The following GLIS3 variants were observed in gnomAD, a reference collection of about 807,000 sequenced individuals.
GLIS3 encodes the protein GLIS family zinc finger 3, also known as zinc finger protein GLIS3.
In GLIS3, 53 loss-of-function variants were observed where a neutral mutation model predicts 78.6. The ratio of observed to expected loss-of-function variants is 0.67; its 90% CI spans 0.54 to 0.85. The LOEUF is 0.85. Among genes scored for constraint, GLIS3 ranks in the 40% least tolerant of loss-of-function variants. The pLI is 0.00. For synonymous variants in GLIS3, 684 were observed against 509.9 expected, an observed-to-expected ratio of 1.34 and a Z score of -4.60; for missense variants, 1,703 against 1,231.1, an observed-to-expected ratio of 1.38 and a Z score of -5.74.
chr9:4,284,582 T>C lies in GLIS3; in HGVS notation c.388+1456A>G, dbSNP rs75188142. On this transcript the variant is annotated intron_variant, in intron 2 of 10. Transcript: ENST00000381971. ...TCTAAGAAATAAAATGACTCAAAAC[T>C]AATCTAGACCAAAAAAAAAGAAGAA... Among the ~76,000 whole-genome samples the C allele has an allele frequency of 5.5e-3, 834 of 151,140 alleles. 9 individuals carry two copies. The highest frequency in any genetic ancestry group is 0.019 in the African/African-American group (780 of 41,168).
chr9:3,983,251 G>A (rs1269174056), intron 4 of GLIS3, among the ~76,000 whole-genome samples: 1 of 152,178 alleles, frequency 6.6e-6, no homozygotes, highest in East Asian at 1.9e-4. Context: ...ATCCATGTAA[G>A]ACATGACTTG....
chr9:3,993,362 A>C (rs763399274), intron 4 of GLIS3, among the ~76,000 whole-genome samples: 3 of 152,226 alleles, frequency 2.0e-5, no homozygotes, highest in African/African-American at 4.8e-5. Context: ...CTTTAAAAGT[A>C]GCTTATTTTC....
chr9:4,187,869 T>G (rs530034030), intron 2 of GLIS3, among the ~76,000 whole-genome samples: 1 of 152,144 alleles, frequency 6.6e-6, no homozygotes, highest in African/African-American at 2.4e-5. Flanking sequence ...TTTGCTGAAG[T>G]TGCTTATCAG....
chr9:4,151,167 T>C (rs1441648450), intron 2 of GLIS3: 1 of 152,126 alleles, frequency 6.6e-6, no homozygotes, highest in Admixed American at 6.6e-5. Flanking sequence ...AGTCCACAGG[T>C]TGAATCTGAA....
At chr9:4,446,725 G>C in the GLIS3 span, among the ~76,000 whole-genome samples, 24,535 of 150,186 alleles carry the variant, frequency 0.16, 2,468 homozygotes, top group Non-Finnish European at 0.22. Flanking sequence ...AAGTTGGCCA[G>C]ACTGGTCTCA....
At chr9:4,167,686 T>C (rs1012124185) in intron 2 of GLIS3, among the ~76,000 whole-genome samples, 55 of 152,344 alleles carry the variant, frequency 3.6e-4, no homozygotes, top group Admixed American at 3.6e-3. Context: ...GTATCGAGAC[T>C]GGAATTTGGG....
the GLIS3 span, among the ~76,000 whole-genome samples, chr9:4,373,113 A>G: frequency 6.6e-6 from 1 of 152,228 alleles, no homozygotes; most frequent in Non-Finnish European, 1.5e-5. Flanking sequence ...CCTAAGTTCC[A>G]AGCACAGAAA....
chr9:3,871,458 T>C (rs1214263670), intron 8 of GLIS3, among the ~76,000 whole-genome samples: 1 of 152,218 alleles, frequency 6.6e-6, no homozygotes, highest in Non-Finnish European at 1.5e-5. Context: ...GCTGTGCCCC[T>C]GCAGCAAACT....
At chr9:4,260,333 G>A (rs1825393368) in intron 2 of GLIS3, among the ~76,000 whole-genome samples, 2 of 152,108 alleles carry the variant, frequency 1.3e-5, no homozygotes, top group Non-Finnish European at 2.9e-5. Context: ...TTGGGAGGCC[G>A]AGGTGGGTCG....
intron 4 of GLIS3, among the ~76,000 whole-genome samples, chr9:4,053,850 G>C (rs1477094346): frequency 3.9e-5 from 6 of 152,146 alleles, no homozygotes; most frequent in Non-Finnish European, 5.9e-5. Flanking sequence ...CTAAAGCTCT[G>C]CCTTTCTTTA....
intron 9 of GLIS3, among the ~76,000 whole-genome samples, chr9:3,835,777 A>G (rs573367827): frequency 2.0e-5 from 3 of 152,288 alleles, no homozygotes; most frequent in South Asian, 4.1e-4. Context: ...TTCTTTTTCT[A>G]TTCTTCTAAT....
chr9:3,929,349 T>G (rs1467630563), intron 6 of GLIS3, among the ~76,000 whole-genome samples: 1 of 152,166 alleles, frequency 6.6e-6, no homozygotes, highest in Non-Finnish European at 1.5e-5. Context: ...TTTTTTTTTC[T>G]TCTTTTTCTT....
At chr9:4,399,709 G>A in the GLIS3 span, among the ~76,000 whole-genome samples, 2 of 152,172 alleles carry the variant, frequency 1.3e-5, no homozygotes, top group African/African-American at 4.8e-5. Flanking sequence ...TCTGGAAGCT[G>A]TAAGTAACAA....
intron 1 of GLIS3, among the ~76,000 whole-genome samples, chr9:4,291,925 G>A (rs569037247): frequency 1.9e-3 from 293 of 152,174 alleles, no homozygotes; most frequent in Non-Finnish European, 3.7e-3. Flanking sequence ...CTTTGCCCCA[G>A]TCATTAACTC....
intron 4 of GLIS3, among the ~76,000 whole-genome samples, chr9:3,966,657 G>A (rs1028022079): frequency 2.6e-5 from 4 of 151,796 alleles, no homozygotes; most frequent in Admixed American, 1.3e-4. Flanking sequence ...AGCCAGGCAT[G>A]GTGGCGCACG....
At chr9:3,854,686 G>A (rs769061024) in intron 9 of GLIS3, among the ~76,000 whole-genome samples, 103 of 145,090 alleles carry the variant, frequency 7.1e-4, no homozygotes, top group Non-Finnish European at 1.2e-3. Context: ...ACAAGCGCCC[G>A]CCGTCACGCC....
the GLIS3 span, among the ~76,000 whole-genome samples, chr9:4,437,194 T>G: frequency 6.6e-6 from 1 of 152,172 alleles, no homozygotes; most frequent in Non-Finnish European, 1.5e-5. Flanking sequence ...TTTGGAGAAG[T>G]GGCAATGAAG....
chr9:4,285,746 C>CCCTT (rs1190786221), intron 2 of GLIS3: 1 of 423,182 alleles, frequency 2.4e-6, no homozygotes, highest in African/African-American at 2.0e-5. Context: ...CTAGCTCTTA[C>CCCTT]CCTTCCACCA....
At chr9:4,337,578 T>A (rs1817772599) in intron 2 of GLIS3, among the ~76,000 whole-genome samples, 2 of 152,194 alleles carry the variant, frequency 1.3e-5, no homozygotes, top group Non-Finnish European at 2.9e-5. Flanking sequence ...AACAAAAAGC[T>A]TCAGGCTCCT....
Sources: gnomAD v4.1 joint callset for allele counts (sites outside exome capture counted in the v4.1 genomes callset) on GRCh38, gnomAD v4.1.1 for gene constraint, MANE v1.5 for transcripts, NCBI Gene and HGNC (gene_info 2026-07-23, HGNC 2026-07-21) for gene names.